TTC29: variants seen among roughly 807,000 people sequenced by gnomAD.
TTC29 encodes the protein tetratricopeptide repeat protein 29.
Under a neutral mutation model 58.1 loss-of-function variants are expected in TTC29, and 49 were observed. That is an observed-to-expected ratio of 0.84 (90% CI 0.67 to 1.07). The LOEUF is 1.07. Ranked by LOEUF, TTC29 falls within the 50% of genes least tolerant of loss-of-function variation. The probability of loss-of-function intolerance (pLI) is 0.00; values close to 1 mark genes in which losing one functional copy is unlikely to be tolerated. For synonymous variants in TTC29, 209 were observed against 196.8 expected (o/e 1.06, Z -0.52); for missense variants, 582 against 555.6 (o/e 1.05, Z -0.48).
chr4:146,867,854 C>T (rs1730667509), intron 7 of TTC29, among the ~76,000 whole-genome samples: 1 of 151,860 alleles, frequency 6.6e-6, no homozygotes, highest in Non-Finnish European at 1.5e-5. Context: ...ATATAACTTG[C>T]TTATATTTAG....
At chr4:146,766,238 A>G (rs1747311352) in intron 11 of TTC29, among the ~76,000 whole-genome samples, 1 of 152,046 alleles carries the variant, frequency 6.6e-6, no homozygotes, top group Admixed American at 6.6e-5. Flanking sequence ...AGCAACGTGT[A>G]TGTTAGCAAA....
In TTC29 at chr4:146,803,690, A is replaced by G. The variant is rs1272407494; in HGVS notation, c.1102-5T>C. On this transcript the variant is annotated splice_region_variant and splice_polypyrimidine_tract_variant and intron_variant, in intron 10 of 12. Transcript: ENST00000325106. ...AGAAGCTTTGTTGTAGTATCCCTAA[A>G]AAGGTAAGAGAAATAATTTTCTTTC... is the stretch of plus-strand genomic sequence containing the variant. The G allele has an allele frequency of 6.4e-7, 1 of 1,554,002 alleles. No homozygotes were observed. Among genetic ancestry groups the G allele is most frequent in the Non-Finnish European group, 8.7e-7 (1 of 1,145,216 alleles).
At chr4:146,803,919 C>A (rs1009629127) in intron 10 of TTC29, among the ~76,000 whole-genome samples, 1 of 152,182 alleles carries the variant, frequency 6.6e-6, no homozygotes, top group African/African-American at 2.4e-5. Flanking sequence ...ATCTATTAGA[C>A]TAAGCTATAT....
At chr4:146,763,761 G>T (rs538057125) in intron 11 of TTC29, 1 of 152,164 alleles carries the variant, frequency 6.6e-6, no homozygotes, top group South Asian at 2.1e-4. Context: ...CATCTAAAGT[G>T]AGTTCTGAAA....
intron 5 of TTC29, among the ~76,000 whole-genome samples, chr4:146,908,206 C>G (rs1733653797): frequency 6.6e-6 from 1 of 151,958 alleles, no homozygotes; most frequent in Non-Finnish European, 1.5e-5. Context: ...ATGTTGAGGC[C>G]TGAGTTTTTC....
intron 4 of TTC29, among the ~76,000 whole-genome samples, chr4:146,925,020 A>T (rs899456264): frequency 6.6e-6 from 1 of 152,050 alleles, no homozygotes; most frequent in Admixed American, 6.6e-5. Context: ...AAGATTTTCC[A>T]AAACTCTTTC....
At chr4:146,853,474 G>T (rs949444681) in intron 8 of TTC29, among the ~76,000 whole-genome samples, 1 of 151,886 alleles carries the variant, frequency 6.6e-6, no homozygotes, top group Non-Finnish European at 1.5e-5. Context: ...TTTCAGCATA[G>T]GATACCCAAA....
chr4:146,785,167 A>C (rs557914328), intron 11 of TTC29, among the ~76,000 whole-genome samples: 1 of 148,956 alleles, frequency 6.7e-6, no homozygotes, highest in Non-Finnish European at 1.5e-5. Flanking sequence ...TTATTAATGT[A>C]ATCACTGTCT....
At chr4:146,708,921 T>C (rs1742275555) in intron 11 of TTC29, among the ~76,000 whole-genome samples, 1 of 152,260 alleles carries the variant, frequency 6.6e-6, no homozygotes. Context: ...TTCTCACTAC[T>C]GCACCTGAAG....
At chr4:146,874,401 C>A (rs1292658566) in intron 7 of TTC29, among the ~76,000 whole-genome samples, 1 of 152,258 alleles carries the variant, frequency 6.6e-6, no homozygotes, top group South Asian at 2.1e-4. Context: ...CACATACACA[C>A]ATGCGCATGC....
intron 4 of TTC29, among the ~76,000 whole-genome samples, chr4:146,910,749 G>A (rs1430299068): frequency 6.6e-6 from 1 of 152,122 alleles, no homozygotes; most frequent in African/African-American, 2.4e-5. Flanking sequence ...TACAGAACTA[G>A]TTCGTAAAGA....
intron 6 of TTC29, among the ~76,000 whole-genome samples, chr4:146,893,476 G>A (rs1000730554): frequency 4.0e-5 from 6 of 151,882 alleles, no homozygotes; most frequent in Non-Finnish European, 5.9e-5. Context: ...TTGGCTAGCC[G>A]TATATATCAA....
intron 11 of TTC29, among the ~76,000 whole-genome samples, chr4:146,723,319 C>T (rs1411781204): frequency 6.6e-6 from 1 of 151,938 alleles, no homozygotes. Context: ...CCATTCTGGA[C>T]ATGGGCCTTG....
chr4:146,726,304 G>A (rs1743777620), intron 11 of TTC29, among the ~76,000 whole-genome samples: 1 of 152,054 alleles, frequency 6.6e-6, no homozygotes, highest in Non-Finnish European at 1.5e-5. Context: ...AATTCAAAAA[G>A]TAGGTGGGTG....
intron 5 of TTC29, among the ~76,000 whole-genome samples, chr4:146,908,610 A>G (rs1261622801): frequency 6.6e-6 from 1 of 152,170 alleles, no homozygotes; most frequent in African/African-American, 2.4e-5. Flanking sequence ...CAAACTTCAA[A>G]GTCCACTATC....
In TTC29 at chr4:146,933,331, C is replaced by T. The variant is rs554776171; in HGVS notation, c.176+4263G>A. Among the ~76,000 whole-genome samples the T allele has an allele frequency of 4.6e-5, 7 of 152,318 alleles. No homozygotes were observed. In the East Asian group the frequency reaches 9.6e-4, roughly 21 times the overall value. On this transcript the variant is annotated intron_variant, in intron 4 of 12. Coordinates refer to ENST00000325106, the MANE Select transcript of TTC29 (RefSeq NM_031956.4). Reference sequence around the variant, plus strand: ...TGAGCAGATTAACACACTCTGTCCCCAGATGATTTTGTTTCCTCACATACA... The same window carrying T: ...TGAGCAGATTAACACACTCTGTCCCTAGATGATTTTGTTTCCTCACATACA...
chr4:146,753,172 C>T (rs1324199319), intron 11 of TTC29, among the ~76,000 whole-genome samples: 3 of 150,668 alleles, frequency 2.0e-5, no homozygotes, highest in African/African-American at 7.3e-5. Flanking sequence ...GGCTAATATC[C>T]AGAATCTACA....
chr4:146,859,458 G>A (rs549669923), intron 8 of TTC29, among the ~76,000 whole-genome samples: 16 of 152,098 alleles, frequency 1.1e-4, no homozygotes, highest in Non-Finnish European at 1.8e-4. Context: ...TCTAAAAAAT[G>A]ATTAATGCAA....
At chr4:146,802,655 T>C (rs913590539) in intron 11 of TTC29, among the ~76,000 whole-genome samples, 1 of 152,112 alleles carries the variant, frequency 6.6e-6, no homozygotes, top group Non-Finnish European at 1.5e-5. Flanking sequence ...AAACAAAGAG[T>C]TCAAATCAAA....
Sources: gnomAD v4.1 joint callset for allele counts (sites outside exome capture counted in the v4.1 genomes callset) on GRCh38, gnomAD v4.1.1 for gene constraint, MANE v1.5 for transcripts, NCBI Gene and HGNC (gene_info 2026-07-23, HGNC 2026-07-21) for gene names.